Variants in VPS13B observed in about 807,000 individuals in gnomAD.
VPS13B encodes intermembrane lipid transfer protein VPS13B.
VPS13B carries 285 observed loss-of-function variants against 426.4 expected under a neutral mutation model. The observed-to-expected ratio is 0.67, with a 90% CI of 0.61 to 0.74. VPS13B has a LOEUF of 0.74. VPS13B is among the 30% of genes least tolerant of loss of function. The pLI, the probability that VPS13B is intolerant of heterozygous loss-of-function variation, is 0.00. For missense variants in VPS13B, 4,537 were observed against 4,782.6 expected (o/e 0.95, Z 1.51); for synonymous variants, 1,676 against 1,676.4 (o/e 1.00, Z 0.01).
intron 21 of VPS13B, among the ~76,000 whole-genome samples, chr8:99,402,529 G>A (rs866680263): frequency 6.6e-6 from 1 of 152,194 alleles, no homozygotes; most frequent in Middle Eastern, 3.4e-3. Context: ...AAAAAAGGAG[G>A]AGAACTGGGT....
intron 19 of VPS13B, among the ~76,000 whole-genome samples, chr8:99,324,383 C>G (rs181496290): frequency 6.6e-6 from 1 of 152,134 alleles, no homozygotes; most frequent in Non-Finnish European, 1.5e-5. Flanking sequence ...TAATTTAATT[C>G]CAGCATTAGT....
intron 39 of VPS13B, among the ~76,000 whole-genome samples, chr8:99,739,192 G>A (rs775430614): frequency 5.3e-5 from 8 of 152,236 alleles, no homozygotes; most frequent in East Asian, 3.8e-4. Context: ...TACCTGGCTC[G>A]GAGGGTCCCA....
intron 17 of VPS13B, among the ~76,000 whole-genome samples, chr8:99,263,808 G>A (rs756207872): frequency 6.6e-6 from 1 of 152,072 alleles, no homozygotes; most frequent in African/African-American, 2.4e-5. Context: ...AGGTCCTGAG[G>A]TTTAGCATAT....
At chr8:99,628,875 T>C (rs1486723737) in intron 33 of VPS13B, among the ~76,000 whole-genome samples, 5 of 151,902 alleles carry the variant, frequency 3.3e-5, no homozygotes. Context: ...ACTCCTAAGC[T>C]CAAGCTATCC....
intron 45 of VPS13B, 31 bp downstream of exon 45, chr8:99,817,834 C>T (rs1267119588): frequency 3.1e-6 from 5 of 1,613,868 alleles, no homozygotes; most frequent in Non-Finnish European, 4.2e-6. Context: ...TAGAATAGAG[C>T]AGCTTTACCA....
chr8:99,421,051 TA>T (rs547331379), intron 21 of VPS13B, among the ~76,000 whole-genome samples: 37 of 152,324 alleles, frequency 2.4e-4, no homozygotes, highest in South Asian at 1.9e-3. Flanking sequence ...CACATATTTT[TA>T]ACTTTAAGGT....
chr8:99,582,796 G>C (rs943236386), intron 33 of VPS13B, among the ~76,000 whole-genome samples: 35 of 152,006 alleles, frequency 2.3e-4, no homozygotes, highest in Middle Eastern at 3.4e-3. Context: ...GCTGGGACTA[G>C]AGGCGCCCGC....
chr8:99,504,652 A>G (rs1291917582), intron 27 of VPS13B, among the ~76,000 whole-genome samples: 1 of 152,166 alleles, frequency 6.6e-6, no homozygotes, highest in African/African-American at 2.4e-5. Flanking sequence ...CTGTAAACAG[A>G]TGTGCTATCA....
chr8:99,594,782 G>GT (rs1218194165), intron 33 of VPS13B, among the ~76,000 whole-genome samples: 2 of 151,842 alleles, frequency 1.3e-5, no homozygotes, highest in Non-Finnish European at 2.9e-5. Flanking sequence ...AAGCACTGGG[G>GT]TTTTTTTCAG....
chr8:99,469,168 CTTTTT>C (rs35646881), intron 24 of VPS13B, among the ~76,000 whole-genome samples: 3 of 127,776 alleles, frequency 2.3e-5, no homozygotes, highest in Non-Finnish European at 3.3e-5. Context: ...TCTTTCTTTC[CTTTTT>C]TTTTTTTTTT....
chr8:99,832,873 C>T (rs908541099), intron 52 of VPS13B, among the ~76,000 whole-genome samples: 12 of 152,066 alleles, frequency 7.9e-5, no homozygotes, highest in African/African-American at 1.9e-4. Flanking sequence ...ATGGAGCTTA[C>T]GCTGGGGGGA....
intron 21 of VPS13B, among the ~76,000 whole-genome samples, chr8:99,428,141 A>T (rs941835251): frequency 6.6e-5 from 10 of 152,310 alleles, no homozygotes; most frequent in African/African-American, 2.4e-4. Context: ...TTAATTCAAG[A>T]TGGATTAAAG....
At chr8:99,510,690 T>G (rs1821744270) in intron 28 of VPS13B, among the ~76,000 whole-genome samples, 1 of 152,178 alleles carries the variant, frequency 6.6e-6, no homozygotes, top group Non-Finnish European at 1.5e-5. Context: ...TTTTGTATTT[T>G]GAGTAGAGAC....
chr8:99,351,435 A>AGT (rs1024531389), intron 19 of VPS13B, among the ~76,000 whole-genome samples: 5,847 of 145,698 alleles, frequency 0.04, 128 homozygotes, highest in Middle Eastern at 0.07. Flanking sequence ...AGAGAGAGAG[A>AGT]GTGTGTGTGT....
intron 15 of VPS13B, among the ~76,000 whole-genome samples, chr8:99,165,523 C>A (rs1454247454): frequency 6.6e-6 from 1 of 152,054 alleles, no homozygotes; most frequent in South Asian, 2.1e-4. Flanking sequence ...AACTTTAAGG[C>A]CTTATTCATA....
chr8:99,764,284 A>T (rs974136650), intron 39 of VPS13B, among the ~76,000 whole-genome samples: 1 of 152,158 alleles, frequency 6.6e-6, no homozygotes, highest in East Asian at 1.9e-4. Flanking sequence ...GAATGCTTCC[A>T]AAAAGGGAAA....
chr8:99,456,067 C>A (rs1818440222), intron 23 of VPS13B, among the ~76,000 whole-genome samples: 1 of 152,120 alleles, frequency 6.6e-6, no homozygotes, highest in African/African-American at 2.4e-5. Context: ...GTTTTACATT[C>A]TTGTGATCGA....
At chr8:99,824,264 C>G (rs762862498) in intron 51 of VPS13B, among the ~76,000 whole-genome samples, 1 of 152,160 alleles carries the variant, frequency 6.6e-6, no homozygotes, top group Non-Finnish European at 1.5e-5. Flanking sequence ...AGCATGCTCA[C>G]TAGACTCCTA....
intron 21 of VPS13B, among the ~76,000 whole-genome samples, chr8:99,418,727 C>T (rs971009861): frequency 1.3e-5 from 2 of 151,894 alleles, no homozygotes; most frequent in Admixed American, 1.3e-4. Context: ...AACACTTTAT[C>T]TTAGTTTTTC....
Sources: allele counts gnomAD v4.1 joint callset (sites outside exome capture counted in the v4.1 genomes callset), GRCh38; gene constraint gnomAD v4.1.1; transcripts MANE v1.5; gene names NCBI Gene and HGNC (gene_info 2026-07-23, HGNC 2026-07-21).